NPAS3: variants seen among roughly 807,000 people sequenced by gnomAD.
The protein encoded by NPAS3 is neuronal PAS domain protein 3, also known as neuronal PAS domain-containing protein 3.
Under a neutral mutation model 73.1 loss-of-function variants are expected in NPAS3, and 14 were observed. The ratio of observed to expected loss-of-function variants is 0.19; its 90% CI spans 0.13 to 0.30. NPAS3 has a LOEUF of 0.30. NPAS3 is among the 10% of genes least tolerant of loss of function. NPAS3 has a pLI of 1.00. For missense variants in NPAS3, 1,096 were observed against 1,250.0 expected (o/e 0.88, Z 1.86); for synonymous variants, 620 against 541.5 (o/e 1.14, Z -2.01).
chr14:33,666,143 ATC>A (rs1407312660), intron 5 of NPAS3, among the ~76,000 whole-genome samples: 2 of 152,180 alleles, frequency 1.3e-5, no homozygotes, highest in African/African-American at 4.8e-5. Context: ...GCATGGATCT[ATC>A]TATCTCTTTA....
Position 33,397,195 on chromosome 14 carries a change from G to C in NPAS3, c.468+29927G>C, listed in dbSNP as rs371705591. On this transcript the variant is annotated intron_variant, in intron 4 of 11. Coordinates refer to ENST00000356141, the Ensembl canonical transcript of NPAS3. ...CAGATCCAAAATCTCCCCTTGACTTGGTTCTCTGTCTCTTAACTCCTGGAA... is the reference window on the plus strand; with the variant it reads ...CAGATCCAAAATCTCCCCTTGACTTCGTTCTCTGTCTCTTAACTCCTGGAA... Among the ~76,000 whole-genome samples, 6 of 152,084 alleles carry C rather than the reference G, an allele frequency of 3.9e-5. No homozygotes were observed. The East Asian group carries it at 9.6e-4, about 24-fold the overall frequency.
At chr14:33,754,015 G>A (rs2062040180) in intron 7 of NPAS3, among the ~76,000 whole-genome samples, 1 of 152,168 alleles carries the variant, frequency 6.6e-6, no homozygotes, top group Non-Finnish European at 1.5e-5. Flanking sequence ...AGTTTCCCTA[G>A]AGTGGTTGAT....
intron 4 of NPAS3, among the ~76,000 whole-genome samples, chr14:33,528,293 A>G (rs892167995): frequency 2.0e-5 from 3 of 151,948 alleles, no homozygotes; most frequent in Non-Finnish European, 4.4e-5. Flanking sequence ...ACATTCATGC[A>G]GTATTCACTT....
At chr14:33,596,096 C>G (rs181049283) in intron 5 of NPAS3, among the ~76,000 whole-genome samples, 1 of 152,300 alleles carries the variant, frequency 6.6e-6, no homozygotes, top group African/African-American at 2.4e-5. Context: ...AGGAAGTGTA[C>G]GTGAAATCAA....
intron 3 of NPAS3, among the ~76,000 whole-genome samples, chr14:33,355,247 A>G (rs1374103940): frequency 6.6e-6 from 1 of 152,078 alleles, no homozygotes; most frequent in Non-Finnish European, 1.5e-5. Context: ...TTTCTCTTAC[A>G]TCTTTGAATT....
At chr14:33,311,431 A>G (rs1330691302) in intron 3 of NPAS3, among the ~76,000 whole-genome samples, 1 of 152,166 alleles carries the variant, frequency 6.6e-6, no homozygotes, top group Non-Finnish European at 1.5e-5. Flanking sequence ...ATTAAGTACA[A>G]CACTGAACTT....
chr14:33,438,114 T>C (rs748825061), intron 4 of NPAS3, among the ~76,000 whole-genome samples: 3 of 152,188 alleles, frequency 2.0e-5, no homozygotes, highest in African/African-American at 7.2e-5. Context: ...TTTCTTGATA[T>C]TTAAAAAAAC....
At chr14:32,976,628 G>A (rs539806213) in intron 1 of NPAS3, among the ~76,000 whole-genome samples, 3 of 152,282 alleles carry the variant, frequency 2.0e-5, no homozygotes, top group South Asian at 4.1e-4. Context: ...GTCTGCAAGA[G>A]TTTATTGTTC....
chr14:33,177,535 A>G (rs564375467), intron 2 of NPAS3, among the ~76,000 whole-genome samples: 2 of 152,170 alleles, frequency 1.3e-5, no homozygotes, highest in African/African-American at 4.8e-5. Context: ...TGTTCAATTT[A>G]TCTTTTGTTT....
intron 3 of NPAS3, among the ~76,000 whole-genome samples, chr14:33,291,522 A>G (rs1018977194): frequency 2.0e-5 from 3 of 152,224 alleles, no homozygotes; most frequent in Admixed American, 2.0e-4. Flanking sequence ...CAAGATGAGG[A>G]TGAAAGAAAT....
chr14:33,194,150 C>G (rs955631224), intron 2 of NPAS3, among the ~76,000 whole-genome samples: 2 of 152,172 alleles, frequency 1.3e-5, no homozygotes, highest in African/African-American at 4.8e-5. Context: ...TTGCCCAAAT[C>G]ACTGTAGTTA....
intron 4 of NPAS3, among the ~76,000 whole-genome samples, chr14:33,483,911 G>A (rs752588466): frequency 3.3e-5 from 5 of 152,032 alleles, no homozygotes; most frequent in Non-Finnish European, 7.4e-5. Context: ...TTTTAGAAAG[G>A]CTTCCTGGTT....
At chr14:32,964,826 A>G (rs1042295872) in intron 1 of NPAS3, among the ~76,000 whole-genome samples, 4 of 142,888 alleles carry the variant, frequency 2.8e-5, no homozygotes, top group Non-Finnish European at 6.2e-5. Flanking sequence ...AAAAAAAAAG[A>G]AGAAGATTAG....
At chr14:33,532,391 G>A (rs1018546678) in intron 4 of NPAS3, among the ~76,000 whole-genome samples, 2 of 152,030 alleles carry the variant, frequency 1.3e-5, no homozygotes, top group Non-Finnish European at 2.9e-5. Flanking sequence ...CTGGGAAAAG[G>A]TACAACCTCT....
At position 33,800,843 on chromosome 14, in the gene NPAS3, C is replaced by T. The variant is rs994277196; in HGVS notation, c.2536C>T (p.Pro846Ser). Residue 846 changes from proline (P) to serine (S), a missense_variant, in exon 12 of 12, where the codon CCC (proline) becomes TCC (serine). Pro to Ser is a moderately conservative substitution (Grantham distance 74). This residue lies in a region of NPAS3 where 698 missense variants were observed against 676.7 expected (regional missense o/e 1.03). Coordinates refer to ENST00000356141, the Ensembl canonical transcript of NPAS3. This position sits in a 1 kb window ranked among gnomAD's most constrained non-coding sequence, Gnocchi z 6.5. Reference sequence around the variant, plus strand: ...CCTGGCCATGCAGAGCAACCTGCTGCCCAACGCGCACGCTGTTAACTTCGT... The same window carrying T: ...CCTGGCCATGCAGAGCAACCTGCTGTCCAACGCGCACGCTGTTAACTTCGT... 21 of 1,604,096 alleles carry T rather than the reference C, an allele frequency of 1.3e-5. No homozygotes were observed. The highest frequency in any genetic ancestry group is 1.8e-5 in the Non-Finnish European group (21 of 1,175,844).
At chr14:33,266,738 A>G (rs575504690) in intron 3 of NPAS3, among the ~76,000 whole-genome samples, 2 of 152,246 alleles carry the variant, frequency 1.3e-5, no homozygotes, top group East Asian at 3.9e-4. Flanking sequence ...GAGCTTGTTA[A>G]AGACTCCCCA....
chr14:33,444,634 G>C (rs1053284130), intron 4 of NPAS3, among the ~76,000 whole-genome samples: 1 of 152,210 alleles, frequency 6.6e-6, no homozygotes, highest in Admixed American at 6.5e-5. Context: ...TGGCAGAGTC[G>C]GGTTAGATGG....
At chr14:33,510,783 T>G (rs1405474852) in intron 4 of NPAS3, among the ~76,000 whole-genome samples, 1 of 152,068 alleles carries the variant, frequency 6.6e-6, no homozygotes, top group Non-Finnish European at 1.5e-5. Flanking sequence ...ATGCATGGTG[T>G]AGGTTTGTAG....
At chr14:33,566,019 A>G (rs1295483387) in intron 5 of NPAS3, among the ~76,000 whole-genome samples, 1 of 152,148 alleles carries the variant, frequency 6.6e-6, no homozygotes, top group African/African-American at 2.4e-5. Flanking sequence ...TTCTGGGTGT[A>G]ACAAAGAAAA....
Sources: allele counts gnomAD v4.1 joint callset (sites outside exome capture counted in the v4.1 genomes callset), GRCh38; gene constraint gnomAD v4.1.1; regional missense constraint gnomAD v4.1.1; non-coding constraint Gnocchi (gnomAD v3.1); transcripts MANE v1.5; gene names NCBI Gene and HGNC (gene_info 2026-07-23, HGNC 2026-07-21).